LOC400499: variants seen among roughly 807,000 people sequenced by gnomAD.
At chr16:11,430,939 A>T in the LOC400499 span, 8 of 397,940 alleles carry the variant, frequency 2.0e-5, no homozygotes, top group African/African-American at 4.1e-5. Context: ...GAGATGCTGG[A>T]GTTGGAGCAT....
At chr16:11,429,104 C>G in the LOC400499 span, among the ~76,000 whole-genome samples, 2 of 152,092 alleles carry the variant, frequency 1.3e-5, no homozygotes, top group Admixed American at 1.3e-4. Context: ...GACCTGTGTC[C>G]CCAACAACCC....
chr16:11,451,209 G>C, the LOC400499 span, among the ~76,000 whole-genome samples: 8 of 152,248 alleles, frequency 5.3e-5, no homozygotes, highest in African/African-American at 1.9e-4. Flanking sequence ...ACTGTTAATA[G>C]CAGAACCTAG....
At chr16:11,503,954 C>A in the LOC400499 span, among the ~76,000 whole-genome samples, 7 of 152,192 alleles carry the variant, frequency 4.6e-5, no homozygotes, top group African/African-American at 1.7e-4. Context: ...ATGGGCTCGG[C>A]CACATTTCCC....
chr16:11,421,358 C>T, the LOC400499 span, among the ~76,000 whole-genome samples: 1 of 152,054 alleles, frequency 6.6e-6, no homozygotes, highest in Admixed American at 6.5e-5. Flanking sequence ...AACTGGTGGC[C>T]CTTGAGCTGA....
At chr16:11,422,972 C>T in the LOC400499 span, among the ~76,000 whole-genome samples, 1 of 152,144 alleles carries the variant, frequency 6.6e-6, no homozygotes, top group Admixed American at 6.5e-5. Flanking sequence ...TCAGGTTGAG[C>T]TGATGCCCCT....
the LOC400499 span, among the ~76,000 whole-genome samples, chr16:11,374,240 G>A: frequency 8.6e-5 from 13 of 152,028 alleles, no homozygotes; most frequent in African/African-American, 3.1e-4. Flanking sequence ...AAGAGTGTTT[G>A]GTTTTATAAC....
chr16:11,384,924 C>G, the LOC400499 span: 54 of 1,232,166 alleles, frequency 4.4e-5, no homozygotes, highest in Admixed American at 1.3e-4. Flanking sequence ...CTGCAGAGGC[C>G]GGTGGGCACG....
At chr16:11,466,380 T>C in the LOC400499 span, among the ~76,000 whole-genome samples, 2 of 144,518 alleles carry the variant, frequency 1.4e-5, no homozygotes, top group South Asian at 4.3e-4. Flanking sequence ...TTCTTTAATT[T>C]TAATTCATTT....
chr16:11,468,348 G>A, the LOC400499 span, among the ~76,000 whole-genome samples: 8 of 152,254 alleles, frequency 5.3e-5, no homozygotes, highest in African/African-American at 1.9e-4. Flanking sequence ...TTGAGAGACA[G>A]GGTCTTACTT....
At chr16:11,456,880 C>T in the LOC400499 span, 3 of 1,536,250 alleles carry the variant, frequency 2.0e-6, no homozygotes, top group Non-Finnish European at 2.6e-6. Flanking sequence ...CACAGGGTGG[C>T]CCGAGATGTG....
chr16:11,407,175 CGGCCCT>C, the LOC400499 span: 1 of 398,988 alleles, frequency 2.5e-6, no homozygotes, highest in Non-Finnish European at 4.4e-6. Context: ...CAGCGTGCTC[CGGCCCT>C]GGGCTGACCT....
At chr16:11,426,917 T>TA in the LOC400499 span, among the ~76,000 whole-genome samples, 2 of 119,008 alleles carry the variant, frequency 1.7e-5, no homozygotes, top group African/African-American at 7.1e-5. Context: ...AAAAAAGGCA[T>TA]AAAAATCAAA....
At chr16:11,488,799 G>T in the LOC400499 span, 1 of 398,966 alleles carries the variant, frequency 2.5e-6, no homozygotes, top group Non-Finnish European at 4.4e-6. Context: ...AGGGTGTCCC[G>T]GAGGGCCCGT....
the LOC400499 span, chr16:11,462,356 C>A: frequency 1.4e-6 from 2 of 1,415,312 alleles, no homozygotes; most frequent in Non-Finnish European, 1.8e-6. Flanking sequence ...GCAGGCCCAG[C>A]CCTTACCACA....
chr16:11,463,769 G>T, the LOC400499 span, among the ~76,000 whole-genome samples: 16 of 152,020 alleles, frequency 1.1e-4, no homozygotes, highest in African/African-American at 2.7e-4. Context: ...ATATATGAAC[G>T]TATATACAGA....
the LOC400499 span, among the ~76,000 whole-genome samples, chr16:11,519,931 G>C: frequency 1.3e-5 from 2 of 152,224 alleles, no homozygotes; most frequent in East Asian, 3.9e-4. Context: ...TCGAACTCCA[G>C]ACCTCAGGTG....
chr16:11,434,614 A>G, the LOC400499 span, among the ~76,000 whole-genome samples: 1 of 152,208 alleles, frequency 6.6e-6, no homozygotes, highest in Non-Finnish European at 1.5e-5. Flanking sequence ...CTGAGCATTA[A>G]GAGGAGAGCA....
chr16:11,425,229 G>C, the LOC400499 span: 1 of 398,994 alleles, frequency 2.5e-6, no homozygotes, highest in Non-Finnish European at 4.4e-6. Flanking sequence ...GGCTGCATGG[G>C]CCCGGATGCT....
chr16:11,447,023 A>G, the LOC400499 span: 2 of 1,247,436 alleles, frequency 1.6e-6, no homozygotes, highest in Non-Finnish European at 2.2e-6. Context: ...CAGAGTTAAG[A>G]CTCTGCCACA....
Sources: allele counts gnomAD v4.1 joint callset (sites outside exome capture counted in the v4.1 genomes callset), GRCh38; gene constraint gnomAD v4.1.1; transcripts MANE v1.5.